GALNT17: variants seen among roughly 807,000 people sequenced by gnomAD.
GALNT17 encodes the protein polypeptide N-acetylgalactosaminyltransferase 17, also known as UDP-GalNAc:polypeptide N-acetylgalactosaminyltransferase-like 3.
A neutral mutation model predicts 63.7 loss-of-function variants in GALNT17; 29 were observed. The ratio of observed to expected loss-of-function variants is 0.46; its 90% confidence interval spans 0.34 to 0.62. The LOEUF is 0.62. Ranked by LOEUF, GALNT17 falls within the 20% of genes least tolerant of loss-of-function variation. The pLI is 0.01. For synonymous variants in GALNT17, 305 were observed against 318.3 expected (o/e 0.96, Z 0.45); for missense variants, 603 against 799.6 (o/e 0.75, Z 2.97).
chr7:71,281,755 T>C (rs959597740), intron 1 of GALNT17, among the ~76,000 whole-genome samples: 3 of 152,352 alleles, frequency 2.0e-5, no homozygotes, highest in East Asian at 1.9e-4. Flanking sequence ...GACAATGATA[T>C]ATATTTCCAG....
intron 1 of GALNT17, among the ~76,000 whole-genome samples, chr7:71,298,068 T>A (rs1427913004): frequency 6.6e-6 from 1 of 152,226 alleles, no homozygotes; most frequent in Non-Finnish European, 1.5e-5. Flanking sequence ...TTACTCAGGC[T>A]GGGGTGCAGA....
At chr7:71,146,237 G>A (rs539974118) in intron 1 of GALNT17, among the ~76,000 whole-genome samples, 19 of 152,004 alleles carry the variant, frequency 1.2e-4, no homozygotes, top group Non-Finnish European at 1.8e-4. Flanking sequence ...TGCCACCACC[G>A]CAGCCCACTT....
intron 9 of GALNT17, among the ~76,000 whole-genome samples, chr7:71,697,285 C>G (rs551495557): frequency 6.6e-6 from 1 of 152,012 alleles, no homozygotes; most frequent in Non-Finnish European, 1.5e-5. Context: ...GGTCTGGAGG[C>G]AAGAGAACCA....
Position 71,338,268 on chromosome 7 carries a change from A to G in GALNT17, c.422+2535A>G, listed in dbSNP as rs549402399. Among the ~76,000 whole-genome samples the G allele has an allele frequency of 1.6e-3, 244 of 152,186 alleles. 1 individual carries two copies. Among genetic ancestry groups the G allele is most frequent in the Non-Finnish European group, 3.2e-3 (215 of 67,996 alleles). On this transcript the variant is annotated intron_variant, in intron 2 of 10. Transcript: ENST00000333538. ...CGTGAACCCGGGAGGCGGAGGTTAC[A>G]GTGAGCCAAGATAGTGCCACTGCAC...
At chr7:71,591,601 T>C (rs185142052) in intron 6 of GALNT17, among the ~76,000 whole-genome samples, 40 of 152,340 alleles carry the variant, frequency 2.6e-4, no homozygotes, top group Middle Eastern at 3.4e-3. Flanking sequence ...TGGTTTCCCA[T>C]CTTTTGGCTC....
intron 9 of GALNT17, among the ~76,000 whole-genome samples, chr7:71,692,712 T>G (rs1282000646): frequency 6.9e-6 from 1 of 144,902 alleles, no homozygotes; most frequent in Non-Finnish European, 1.5e-5. Flanking sequence ...ATATAAGTAC[T>G]TTTTAATTTT....
At position 71,597,928 on chromosome 7, in the gene GALNT17, A is replaced by C. The variant is rs539103763; in HGVS notation, c.1080+26526A>C. 1.7e-3 allele frequency among the ~76,000 whole-genome samples: 252 copies of C among 151,600 alleles called. 2 individuals are homozygous for C. Among genetic ancestry groups the C allele is most frequent in the African/African-American group, 5.9e-3 (243 of 41,312 alleles). ...TCATGATCCCCTGCTCCCTGCTGTA[A>C]TAACACGGTACTTTCATTTCCTTTT... On this transcript the variant is annotated intron_variant, in intron 6 of 10. Transcript: ENST00000333538.
chr7:71,166,538 C>T (rs1788443926), intron 1 of GALNT17, among the ~76,000 whole-genome samples: 1 of 152,202 alleles, frequency 6.6e-6, no homozygotes, highest in Non-Finnish European at 1.5e-5. Context: ...GAGGCAACCA[C>T]TGATCTGCCT....
chr7:71,515,610 AAATT>A (rs1788432456), intron 5 of GALNT17, among the ~76,000 whole-genome samples: 1 of 152,122 alleles, frequency 6.6e-6, no homozygotes, highest in South Asian at 2.1e-4. Context: ...GGCCCTCTTT[AAATT>A]GGCTCATCTT....
chr7:71,186,544 A>T (rs1278014540), intron 1 of GALNT17, among the ~76,000 whole-genome samples: 1 of 152,132 alleles, frequency 6.6e-6, no homozygotes, highest in African/African-American at 2.4e-5. Flanking sequence ...TCAGGCTTGG[A>T]CTTAGCAGGT....
intron 5 of GALNT17, among the ~76,000 whole-genome samples, chr7:71,457,081 G>A (rs939589390): frequency 3.3e-5 from 5 of 152,042 alleles, no homozygotes; most frequent in African/African-American, 1.2e-4. Flanking sequence ...AGAGGCAGAG[G>A]AAACAATCAG....
In GALNT17 at chr7:71,532,004, G is replaced by A. The variant is rs1186412749; in HGVS notation, c.963-39281G>A. 2.6e-5 allele frequency among the ~76,000 whole-genome samples: 4 copies of A among 152,152 alleles called. No individual in the cohort carries two copies. The South Asian group carries it at 6.2e-4, about 24-fold the overall frequency. On this transcript the variant is annotated intron_variant, in intron 5 of 10. Transcript: ENST00000333538. ...ACACGGGAGGGACCTGGACCACCAA[G>A]GGGTGTTAATGGCAAATGCTCAGTG...
intron 5 of GALNT17, among the ~76,000 whole-genome samples, chr7:71,569,371 A>G (rs1481531576): frequency 6.6e-6 from 1 of 152,158 alleles, no homozygotes; most frequent in African/African-American, 2.4e-5. Flanking sequence ...TGTTGATCCC[A>G]TCACCTAAAT....
At chr7:71,406,519 A>C (rs78330239) in intron 3 of GALNT17, among the ~76,000 whole-genome samples, 1 of 152,186 alleles carries the variant, frequency 6.6e-6, no homozygotes, top group Non-Finnish European at 1.5e-5. Flanking sequence ...CATTGGACAG[A>C]TAAGAAACCC....
At chr7:71,395,734 G>A (rs1202755248) in intron 3 of GALNT17, among the ~76,000 whole-genome samples, 5 of 152,048 alleles carry the variant, frequency 3.3e-5, no homozygotes, top group Admixed American at 3.3e-4. Context: ...CATATATGAG[G>A]GTTCCAGTTT....
intron 5 of GALNT17, among the ~76,000 whole-genome samples, chr7:71,474,006 A>G (rs1377005460): frequency 1.3e-5 from 2 of 152,132 alleles, no homozygotes; most frequent in South Asian, 2.1e-4. Context: ...GGATACTTAT[A>G]GTTATTTCTT....
chr7:71,320,099 A>G (rs1791577325), intron 1 of GALNT17, among the ~76,000 whole-genome samples: 1 of 152,180 alleles, frequency 6.6e-6, no homozygotes, highest in Non-Finnish European at 1.5e-5. Context: ...CAAGTCCAAC[A>G]TTAGTGGCGT....
rs1294791099 is a variant in GALNT17 at position 71,712,313 on chromosome 7, C to T, written c.*167C>T. 2 of 763,300 alleles carry T rather than the reference C, an allele frequency of 2.6e-6. No individual in the cohort carries two copies. The highest frequency in any genetic ancestry group is 3.1e-5 in the East Asian group (1 of 31,904). The allele number at this position is 763,300 out of a possible 1,614,324, so 47.3% of individuals were successfully genotyped here. On this transcript the variant is annotated 3_prime_UTR_variant, in exon 11 of 11. Transcript: ENST00000333538. ...AGGGACCCCGGATGAAGACTCTGTC[C>T]CCCCTCAGGCATTCAGCTGCCCACA...
chr7:71,709,727 T>C (rs1791766051), intron 9 of GALNT17, among the ~76,000 whole-genome samples: 1 of 152,086 alleles, frequency 6.6e-6, no homozygotes, highest in South Asian at 2.1e-4. Flanking sequence ...GCCTCCTGAA[T>C]AGCTTGGATT....
Sources: allele counts gnomAD v4.1 joint callset (sites outside exome capture counted in the v4.1 genomes callset), GRCh38; gene constraint gnomAD v4.1.1; transcripts MANE v1.5; gene names NCBI Gene and HGNC (gene_info 2026-07-23, HGNC 2026-07-21).